OVCH2: variants seen among roughly 807,000 people sequenced by gnomAD.
OVCH2 encodes the protein ovochymase-2.
OVCH2 carries 88 observed loss-of-function variants against 73.7 expected under a neutral mutation model. The ratio of observed to expected loss-of-function variants is 1.19; its 90% CI spans 1.01 to 1.43. OVCH2 has a LOEUF of 1.43. Ranked by LOEUF, OVCH2 falls within the 40% of genes most tolerant of loss-of-function variation. The probability of loss-of-function intolerance (pLI) is 0.00; values close to 1 mark genes in which losing one functional copy is unlikely to be tolerated. For synonymous variants in OVCH2, 265 were observed against 234.5 expected (o/e 1.13, Z -1.19); for missense variants, 706 against 674.5 (o/e 1.05, Z -0.52).
At chr11:7,681,015 C>T in the OVCH2 span, among the ~76,000 whole-genome samples, 3 of 152,162 alleles carry the variant, frequency 2.0e-5, no homozygotes, top group African/African-American at 2.4e-5. Flanking sequence ...AGCTCATTGT[C>T]TCTGCCAGAG....
chr11:7,685,285 G>A (rs79801610), downstream of OVCH2, among the ~76,000 whole-genome samples: 6,939 of 152,166 alleles, frequency 0.046, 253 homozygotes, highest in African/African-American at 0.1. Context: ...GACTTGTACC[G>A]AACTACGTGA....
rs746493550 is a variant in OVCH2, at chr11:7,703,797, G to A, written c.199-8C>T. The A allele has an allele frequency of 1.3e-6, 2 of 1,596,072 alleles. No individual in the cohort carries two copies. Among genetic ancestry groups the A allele is most frequent in the African/African-American group, 2.7e-5 (2 of 74,638 alleles). On this transcript the variant is annotated splice_polypyrimidine_tract_variant and splice_region_variant and intron_variant, in intron 2 of 15. Coordinates refer to ENST00000533663, the MANE Select transcript of OVCH2 (RefSeq NM_198185.7). The stretch of plus-strand genomic sequence containing the variant: ...CCTTTGTTTCAGAGATACCTAAATT[G>A]CAAATACCTTAAATGAAAGCAAGTT...
At chr11:7,704,476 C>T in intron 2 of OVCH2, 89 bp downstream of exon 2, 1 of 854,316 alleles carries the variant, frequency 1.2e-6, no homozygotes, top group East Asian at 2.8e-5. Flanking sequence ...AGGCTGTAGG[C>T]TCCTCAAAGA....
At position 7,701,311 on chromosome 11, in the gene OVCH2, A is replaced by T. The variant is rs916720959; in HGVS notation, c.711+13T>A. 4 of 1,603,252 alleles carry T rather than the reference A, an allele frequency of 2.5e-6. No individual in the cohort carries two copies. Among genetic ancestry groups the T allele is most frequent in the Non-Finnish European group, 3.4e-6 (4 of 1,176,744 alleles). On this transcript the variant is annotated intron_variant, in intron 6 of 15. Coordinates refer to ENST00000533663, the MANE Select transcript of OVCH2 (RefSeq NM_198185.7). ...CTTGCCTGGGGCCTGACAGCCCCGC[A>T]GCTCCCACCCACCTGACATGCGTCT...
chr11:7,700,302 G>A lies in OVCH2; in HGVS notation c.895C>T (p.Gln299Ter), dbSNP rs1470868350. Reference sequence around the variant, plus strand: ...TGTGTGATGGCTTAGTTACCAGTTTGGATGTGTTCGTGGATCCAGGGAAGC... The same window carrying A: ...TGTGTGATGGCTTAGTTACCAGTTTAGATGTGTTCGTGGATCCAGGGAAGC... Reference protein sequence around the residue: ...KVLPWIHEHIQTGNRRKSSRA... With the variant: ...KVLPWIHEHI Residue 299 changes from glutamine (Q) to a stop codon, truncating the protein, a stop_gained, in exon 7 of 16, where the codon CAA becomes TAA. Coordinates refer to ENST00000533663, the MANE Select transcript of OVCH2 (RefSeq NM_198185.7). LOFTEE classifies it high-confidence loss of function. 1.1e-5 allele frequency: 17 copies of A among 1,613,588 alleles called. No individual in the cohort carries two copies. The East Asian group carries it at 3.3e-4, about 32-fold the overall frequency.
intron 14 of OVCH2, 89 bp from the exon 15 acceptor site, chr11:7,690,102 T>C (rs886655196): frequency 1.0e-6 from 1 of 995,320 alleles, no homozygotes; most frequent in Non-Finnish European, 1.5e-6. Context: ...AAGCTATTGT[T>C]AGAATTCTGG....
the OVCH2 span, among the ~76,000 whole-genome samples, chr11:7,678,783 T>C: frequency 6.6e-6 from 1 of 152,140 alleles, no homozygotes; most frequent in Non-Finnish European, 1.5e-5. Flanking sequence ...TGGGGACTGC[T>C]AGAAGGGAGA....
intron 8 of OVCH2, 26 bp downstream of exon 8, chr11:7,698,724 T>TCA: frequency 6.2e-7 from 1 of 1,606,748 alleles, no homozygotes. Context: ...GTGCTCCTGA[T>TCA]GGAGCAGCCT....
At chr11:7,701,194 A>G (rs1300040594) in intron 6 of OVCH2, 130 bp downstream of exon 6, 7 of 1,209,146 alleles carry the variant, frequency 5.8e-6, no homozygotes, top group Non-Finnish European at 6.7e-6. Flanking sequence ...CTTCAAGACT[A>G]TTCTTTATTC....
At position 7,701,810 on chromosome 11, in the gene OVCH2, G is replaced by T. The variant is rs374758797; in HGVS notation, c.465C>A (p.Gly155=). 60 of 1,608,598 alleles carry T rather than the reference G, an allele frequency of 3.7e-5. No individual in the cohort carries two copies. The highest frequency in any genetic ancestry group is 4.8e-5 in the Non-Finnish European group (56 of 1,177,844). ...LLKMAGAFQF[G]HFVGPICLPE... ...GAAGACATATGGGCCCCACAAAGTG[G>T]CCTGAAGAAAAGAGCAAGGTAGGGC... Residue 155 remains glycine, a splice_region_variant and synonymous_variant, in exon 5 of 16, where the codon GGC becomes GGA. Transcript: ENST00000533663.
intron 6 of OVCH2, 67 bp downstream of exon 6, chr11:7,701,257 A>C: frequency 2.6e-6 from 4 of 1,515,872 alleles, no homozygotes; most frequent in Non-Finnish European, 3.5e-6. Flanking sequence ...AATTTAAGAA[A>C]ACTAGAAGAA....
In OVCH2 at chr11:7,699,018, C is replaced by G. The variant is rs1856386252; in HGVS notation, c.902-245G>C. The G allele has an allele frequency of 3.6e-5, 16 of 444,092 alleles. No homozygotes were observed. The South Asian group carries it at 4.1e-4, about 11-fold the overall frequency. 27.5% of individuals were successfully genotyped at this position (444,092 alleles called of 1,614,324 possible). A position where few individuals can be genotyped will look rare whatever the true frequency, so the allele number is the denominator to read the frequency against. On this transcript the variant is annotated intron_variant, in intron 7 of 15. Transcript: ENST00000533663. ...AAATGGTAATTAACTGGAGGTTTCA[C>G]AGAGGAAGGGGTCATTTTACATAAG...
At chr11:7,694,037 C>T (rs956070637) in intron 12 of OVCH2, among the ~76,000 whole-genome samples, 1 of 152,206 alleles carries the variant, frequency 6.6e-6, no homozygotes, top group African/African-American at 2.4e-5. Context: ...TTTGGTTCTC[C>T]TCCCACATCT....
At position 7,695,131 on chromosome 11, in the gene OVCH2, T is replaced by C; in HGVS notation, c.1340A>G (p.Asn447Ser). ...LFEEGLIQSL[N>S]YPENYSDKAN... ...CTTGTCACTGTAGTTTTCAGGATAGTTTAGACTCTGTATGAGACCTTCTTC... is the reference window on the plus strand; with the variant it reads ...CTTGTCACTGTAGTTTTCAGGATAGCTTAGACTCTGTATGAGACCTTCTTC... Residue 447 changes from asparagine to serine, a missense_variant, in exon 12 of 16, where the codon AAC (asparagine) becomes AGC (serine). Physicochemically the swap from Asn to Ser is conservative, Grantham distance 46 (BLOSUM62 1). Transcript: ENST00000533663. 1 of 1,555,474 alleles carries C rather than the reference T, an allele frequency of 6.4e-7. No homozygotes were observed. The highest frequency in any genetic ancestry group is 8.7e-7 in the Non-Finnish European group (1 of 1,149,052).
chr11:7,691,818 G>T, intron 13 of OVCH2, 84 bp downstream of exon 13: 1 of 1,052,818 alleles, frequency 9.5e-7, no homozygotes, highest in Non-Finnish European at 1.4e-6. Context: ...GATGGAGGAA[G>T]ATTGATCTGT....
chr11:7,691,985 T>C lies in OVCH2; in HGVS notation c.1424A>G (p.Gln475Arg). The change falls in exon 13 of 16, where the codon CAG becomes CGG. Residue 475 changes from glutamine to arginine, a missense_variant. Physicochemically the swap from Gln to Arg is conservative, Grantham distance 43 (BLOSUM62 1). Coordinates refer to ENST00000533663, the MANE Select transcript of OVCH2 (RefSeq NM_198185.7). ...TCCACTTTCTTCTATTTCCAGACTC[T>C]GAAATGAAAGCTGAGAAGACACGAA... ...SKHHLIKLSFQSLEIEESGDC... is the reference protein window; with the variant it reads ...SKHHLIKLSFRSLEIEESGDC... The C allele has an allele frequency of 6.4e-7, 1 of 1,568,404 alleles. No homozygotes were observed. Among genetic ancestry groups the C allele is most frequent in the Non-Finnish European group, 8.7e-7 (1 of 1,155,050 alleles).
chr11:7,692,218 AGG>A (rs1856236323), intron 12 of OVCH2, among the ~76,000 whole-genome samples: 2 of 152,230 alleles, frequency 1.3e-5, no homozygotes, highest in Admixed American at 1.3e-4. Context: ...ATCAAAGGGC[AGG>A]AAACTGTGCA....
chr11:7,696,617 ATTT>A, intron 9 of OVCH2, 28 bp from the exon 10 acceptor site: 2 of 1,614,002 alleles, frequency 1.2e-6, no homozygotes, highest in Non-Finnish European at 1.7e-6. Flanking sequence ...AGAGGGCGTT[ATTT>A]CTAGACAGAA....
intron 11 of OVCH2, 75 bp from the exon 12 acceptor site, chr11:7,695,263 C>T: frequency 6.9e-7 from 1 of 1,446,378 alleles, no homozygotes; most frequent in East Asian, 2.5e-5. Flanking sequence ...TCCCTCCTGT[C>T]TCCTGAAAAT....
Sources: allele counts gnomAD v4.1 joint callset (sites outside exome capture counted in the v4.1 genomes callset), GRCh38; gene constraint gnomAD v4.1.1; transcripts MANE v1.5; gene names NCBI Gene and HGNC (gene_info 2026-07-23, HGNC 2026-07-21).